The following AFAP1 variants were observed in gnomAD, a reference collection of about 807,000 sequenced individuals.
AFAP1 encodes actin filament associated protein 1, also known as actin filament-associated protein 1.
A neutral mutation model predicts 93.9 loss-of-function variants in AFAP1; 75 were observed. That is an observed-to-expected ratio of 0.80 (90% confidence interval 0.66 to 0.97). The LOEUF (loss-of-function observed/expected upper bound fraction) is 0.97, where lower values mean the gene tolerates loss of function less well. AFAP1 is among the 50% of genes least tolerant of loss of function. AFAP1 has a pLI of 0.00. For synonymous variants in AFAP1, 517 were observed against 430.7 expected (o/e 1.20, Z -2.48); for missense variants, 1,201 against 1,050.8 (o/e 1.14, Z -1.98).
rs1720381197 is a variant in AFAP1, at chr4:7,920,530, G to T, written c.-3+19126C>A. On this transcript the variant is annotated intron_variant, in intron 1 of 17. Coordinates refer to ENST00000420658, the MANE Select transcript of AFAP1 (RefSeq NM_001134647.2). ...AACTATAATAAATGAAAGAAGGAAA[G>T]ATAATTATCAAGGAAGAGAGCTAAC... Among the ~76,000 whole-genome samples, 3 of 152,168 alleles carry T rather than the reference G, an allele frequency of 2.0e-5. No homozygotes were observed. The South Asian group carries it at 6.2e-4, about 31-fold the overall frequency.
chr4:7,792,912 C>T (rs1012445932), intron 11 of AFAP1, among the ~76,000 whole-genome samples: 4 of 152,098 alleles, frequency 2.6e-5, no homozygotes, highest in Admixed American at 6.5e-5. Flanking sequence ...ATTCATACGG[C>T]GAAGGGCGAC....
chr4:7,818,059 G>T (rs1348460498), intron 7 of AFAP1, among the ~76,000 whole-genome samples: 1 of 152,162 alleles, frequency 6.6e-6, no homozygotes, highest in Admixed American at 6.5e-5. Context: ...AATGTGGGGG[G>T]CATCTGGGGA....
At chr4:7,766,307 C>G (rs963782824) in intron 17 of AFAP1, among the ~76,000 whole-genome samples, 1 of 152,188 alleles carries the variant, frequency 6.6e-6, no homozygotes, top group African/African-American at 2.4e-5. Flanking sequence ...GACAGCATCA[C>G]AAGGTCGGCG....
intron 5 of AFAP1, among the ~76,000 whole-genome samples, chr4:7,842,301 C>CAAAAAAAAAAAAAAAAAAAGAAAAAA: frequency 1.1e-5 from 1 of 94,862 alleles, no homozygotes; most frequent in Middle Eastern, 7.2e-3. Flanking sequence ...CCTGGATTTA[C>CAAAAAAAAAAAAAAAAAAAGAAAAAA]AAAAAAAAAA....
intron 16 of AFAP1, 130 bp downstream of exon 16, chr4:7,772,690 T>C (rs1715598813): frequency 3.7e-6 from 3 of 807,210 alleles, no homozygotes; most frequent in Non-Finnish European, 5.7e-6. Context: ...ATGAACTGTC[T>C]TCTGCTGGGC....
At chr4:7,819,021 G>T (rs1354441589) in intron 7 of AFAP1, 55 bp downstream of exon 7, 8 of 1,426,130 alleles carry the variant, frequency 5.6e-6, no homozygotes, top group South Asian at 1.4e-5. Context: ...CTTTGAAAGA[G>T]ACCCCAATCC....
intron 2 of AFAP1, among the ~76,000 whole-genome samples, chr4:7,869,963 C>T (rs1160323213): frequency 6.6e-6 from 1 of 152,110 alleles, no homozygotes; most frequent in Admixed American, 6.5e-5. Context: ...CATGAAGAGA[C>T]CAGTGCTGGA....
At chr4:7,797,599 G>C (rs6829710) in intron 10 of AFAP1, among the ~76,000 whole-genome samples, 128,347 of 152,244 alleles carry the variant, frequency 0.84, 54,436 homozygotes, top group African/African-American at 0.93. Flanking sequence ...TCGAGGCAGA[G>C]GGAGCAGGCT....
intron 1 of AFAP1, among the ~76,000 whole-genome samples, chr4:7,874,634 C>T (rs1403517162): frequency 2.0e-5 from 3 of 147,566 alleles, no homozygotes; most frequent in African/African-American, 2.5e-5. Context: ...CTGCCCACCT[C>T]GGCCTCCCAA....
At chr4:7,866,345 A>G (rs1326979139) in intron 3 of AFAP1, among the ~76,000 whole-genome samples, 2 of 152,046 alleles carry the variant, frequency 1.3e-5, no homozygotes, top group Non-Finnish European at 2.9e-5. Context: ...ACAGCTGCAC[A>G]CCACCACACC....
In AFAP1 at chr4:7,762,136, A is replaced by G. The variant is rs1713895152; in HGVS notation, c.*1629T>C. 1 of 152,252 alleles carries G rather than the reference A, an allele frequency of 6.6e-6. No individual in the cohort carries two copies. The highest frequency in any genetic ancestry group is 2.4e-5 in the African/African-American group (1 of 41,462). The allele number at this position is 152,252 out of a possible 1,614,324, so 9.4% of individuals were successfully genotyped here. On this transcript the variant is annotated 3_prime_UTR_variant, in exon 18 of 18. Coordinates refer to ENST00000420658, the MANE Select transcript of AFAP1 (RefSeq NM_001134647.2). ...TACATGGGAGACCGCTTTCCGCTTC[A>G]GTAATCCAACGTGGCCCTTGCAGGC... is the stretch of plus-strand genomic sequence containing the variant.
chr4:7,868,917 GAAAGA>G (rs915455193), intron 2 of AFAP1, among the ~76,000 whole-genome samples, 198 bp from the exon 3 acceptor site: 4 of 135,652 alleles, frequency 2.9e-5, no homozygotes, highest in East Asian at 2.1e-4. Flanking sequence ...TAAATAAAGT[GAAAGA>G]AAAGAAAAGA....
chr4:7,816,223 G>C, intron 7 of AFAP1, 124 bp from the exon 8 acceptor site: 1 of 759,682 alleles, frequency 1.3e-6, no homozygotes, highest in Non-Finnish European at 2.1e-6. Context: ...TAGCAATCCA[G>C]AAGTGGTTAG....
At chr4:7,808,193 A>G (rs1348271194) in intron 9 of AFAP1, among the ~76,000 whole-genome samples, 3 of 152,210 alleles carry the variant, frequency 2.0e-5, no homozygotes, top group African/African-American at 7.2e-5. Context: ...TAATTTCTCG[A>G]AAACGTAGCT....
chr4:7,904,450 C>T (rs1335344015), intron 1 of AFAP1, among the ~76,000 whole-genome samples: 2 of 152,172 alleles, frequency 1.3e-5, no homozygotes, highest in East Asian at 3.9e-4. Flanking sequence ...GACCCATTAG[C>T]GTTCTTTTTC....
chr4:7,886,161 A>G (rs1339156239), intron 1 of AFAP1, among the ~76,000 whole-genome samples: 1 of 152,184 alleles, frequency 6.6e-6, no homozygotes, highest in Non-Finnish European at 1.5e-5. Context: ...CATTATTTGA[A>G]CGACTGGATG....
At chr4:7,801,985 TTTCTTAC>T (rs1301143482) in intron 9 of AFAP1, among the ~76,000 whole-genome samples, 1 of 151,146 alleles carries the variant, frequency 6.6e-6, no homozygotes, top group African/African-American at 2.4e-5. Context: ...TTGGAGGATG[TTTCTTAC>T]TGCTTTTATG....
intron 1 of AFAP1, among the ~76,000 whole-genome samples, chr4:7,932,584 G>T (rs1721137076): frequency 6.6e-6 from 1 of 152,238 alleles, no homozygotes; most frequent in East Asian, 1.9e-4. Flanking sequence ...TTACTCTAAT[G>T]ACTTCTTAGC....
At chr4:7,837,579 A>C (rs1712460899) in intron 6 of AFAP1, among the ~76,000 whole-genome samples, 1 of 152,232 alleles carries the variant, frequency 6.6e-6, no homozygotes, top group South Asian at 2.1e-4. Context: ...TCATCAGAGC[A>C]ATCCAAGTAG....
Sources: allele counts gnomAD v4.1 joint callset (sites outside exome capture counted in the v4.1 genomes callset), GRCh38; gene constraint gnomAD v4.1.1; transcripts MANE v1.5; gene names NCBI Gene and HGNC (gene_info 2026-07-23, HGNC 2026-07-21).